Variants in KLHL4 observed in about 807,000 individuals in gnomAD.
KLHL4 encodes the protein kelch-like protein 4.
Under a neutral mutation model 45.8 loss-of-function variants are expected in KLHL4, and 17 were observed. The observed-to-expected ratio is 0.37, with a 90% CI of 0.25 to 0.56. KLHL4 has a LOEUF of 0.56. Among genes scored for constraint, KLHL4 ranks in the 20% least tolerant of loss-of-function variants. The pLI is 0.79. For missense variants in KLHL4, 544 were observed against 544.9 expected (o/e 1.00, Z 0.02); for synonymous variants, 224 against 189.9 (o/e 1.18, Z -1.47).
intron 1 of KLHL4, among the ~76,000 whole-genome samples, chrX:87,610,851 A>G (rs1719236949): frequency 9.0e-6 from 1 of 111,405 alleles, no homozygotes; most frequent in African/African-American, 3.3e-5. Flanking sequence ...AGGCTAGTGG[A>G]TGTCTTGATA....
chrX:87,602,680 C>A (rs779827137), intron 1 of KLHL4, among the ~76,000 whole-genome samples: 3 of 111,093 alleles, frequency 2.7e-5, no homozygotes, highest in East Asian at 5.7e-4. Context: ...CCTATTGATG[C>A]GTTTTTCAGA....
chrX:87,661,801 T>C (rs1484680937), intron 9 of KLHL4, among the ~76,000 whole-genome samples: 1 of 111,749 alleles, frequency 8.9e-6, no homozygotes, highest in African/African-American at 3.2e-5. Context: ...AAATGCATAG[T>C]ATAGTAGTTA....
chrX:87,667,500 T>C lies in KLHL4; in HGVS notation c.*966T>C. On this transcript the variant is annotated 3_prime_UTR_variant, in exon 11 of 11. Coordinates refer to ENST00000373119, the MANE Select transcript of KLHL4 (RefSeq NM_019117.5). ...ACACCAAAATATTCAATAAGCCTGG[T>C]CAATTCTATAGTTATCTTTTTTGTA... 1 of 731,837 alleles carries C rather than the reference T, an allele frequency of 1.4e-6. No individual in the cohort carries two copies. The highest frequency in any genetic ancestry group is 1.6e-6 in the Non-Finnish European group (1 of 619,040). The allele number at this position is 731,837 out of a possible 1,213,427, so 60.3% of individuals were successfully genotyped here. A position where few individuals can be genotyped will look rare whatever the true frequency, so the allele number is the denominator to read the frequency against.
At chrX:87,587,738 G>A (rs1012232473) in intron 1 of KLHL4, among the ~76,000 whole-genome samples, 5 of 110,898 alleles carry the variant, frequency 4.5e-5, no homozygotes, top group Non-Finnish European at 7.6e-5. Flanking sequence ...TCTAGTATCT[G>A]GAACACGAAA....
intron 9 of KLHL4, among the ~76,000 whole-genome samples, chrX:87,641,426 G>T (rs1358052331): frequency 8.9e-6 from 1 of 111,953 alleles, no homozygotes; most frequent in East Asian, 2.8e-4. Context: ...TTCCTGCCTG[G>T]TACCACAGGG....
chrX:87,528,706 C>CAAAAA (rs1160857135), intron 1 of KLHL4, among the ~76,000 whole-genome samples: 51 of 31,493 alleles, frequency 1.6e-3, no homozygotes, highest in African/African-American at 1.7e-3. Context: ...CAAAGCGAGA[C>CAAAAA]AAAAAAAAAA....
chrX:87,603,254 T>C (rs1922076126), intron 1 of KLHL4, among the ~76,000 whole-genome samples: 1 of 112,044 alleles, frequency 8.9e-6, no homozygotes, highest in Non-Finnish European at 1.9e-5. Context: ...AGAAAATAAG[T>C]GTGTAAGAAC....
At chrX:87,621,411 AAC>A (rs971963942) in intron 4 of KLHL4, among the ~76,000 whole-genome samples, 6 of 110,776 alleles carry the variant, frequency 5.4e-5, no homozygotes, top group Middle Eastern at 4.3e-3. Flanking sequence ...AAAAAAATGA[AAC>A]ACAGATGTTT....
intron 1 of KLHL4, among the ~76,000 whole-genome samples, chrX:87,548,912 T>G (rs1931746936): frequency 9.3e-6 from 1 of 107,771 alleles, no homozygotes; most frequent in African/African-American, 3.4e-5. Context: ...CAGGAGTAAG[T>G]CTTTACTTAT....
intron 9 of KLHL4, among the ~76,000 whole-genome samples, chrX:87,647,715 T>A (rs1923682985): frequency 9.0e-6 from 1 of 111,167 alleles, no homozygotes. Flanking sequence ...CAATGAACTT[T>A]GGGGACTCAG....
chrX:87,561,939 G>T (rs1932108379), intron 1 of KLHL4, among the ~76,000 whole-genome samples: 1 of 109,664 alleles, frequency 9.1e-6, no homozygotes, highest in African/African-American at 3.3e-5. Flanking sequence ...ACCCAGTCCT[G>T]GCAGGATTTA....
chrX:87,563,878 T>C (rs2147786303), intron 1 of KLHL4, among the ~76,000 whole-genome samples: 1 of 110,727 alleles, frequency 9.0e-6, no homozygotes, highest in East Asian at 2.9e-4. Context: ...AAATAACACA[T>C]GAAGGATTCT....
chrX:87,652,700 G>A (rs936011825), intron 9 of KLHL4, among the ~76,000 whole-genome samples: 1 of 111,761 alleles, frequency 8.9e-6, no homozygotes, highest in Non-Finnish European at 1.9e-5. Flanking sequence ...CAAGACTCTA[G>A]GAAGTTCCAA....
At chrX:87,630,045 G>C (rs1923048024) in intron 6 of KLHL4, among the ~76,000 whole-genome samples, 1 of 111,568 alleles carries the variant, frequency 9.0e-6, no homozygotes, top group Admixed American at 9.5e-5. Flanking sequence ...GTTTGTGCTA[G>C]AAAATCCAAA....
At chrX:87,662,792 T>C (rs1053613922) in intron 9 of KLHL4, among the ~76,000 whole-genome samples, 1 of 109,292 alleles carries the variant, frequency 9.1e-6, no homozygotes, top group Admixed American at 9.8e-5. Flanking sequence ...TAGCCGGTCG[T>C]GGTGGCGGGC....
intron 1 of KLHL4, among the ~76,000 whole-genome samples, chrX:87,545,381 A>G (rs1931651622): frequency 9.0e-6 from 1 of 111,221 alleles, no homozygotes; most frequent in Non-Finnish European, 1.9e-5. Context: ...TGTTCCTATG[A>G]TAGTGAATGC....
chrX:87,560,776 A>G (rs1423676840), intron 1 of KLHL4, among the ~76,000 whole-genome samples: 1 of 111,792 alleles, frequency 8.9e-6, no homozygotes, highest in Non-Finnish European at 1.9e-5. Flanking sequence ...GTCACATACA[A>G]CAGGATATAT....
chrX:87,602,438 C>A (rs918080896), intron 1 of KLHL4, among the ~76,000 whole-genome samples: 2 of 110,948 alleles, frequency 1.8e-5, no homozygotes, highest in Non-Finnish European at 3.8e-5. Flanking sequence ...TATTGGTATA[C>A]CATTTTTTTA....
chrX:87,600,490 A>C (rs1260015252), intron 1 of KLHL4, among the ~76,000 whole-genome samples: 1 of 108,447 alleles, frequency 9.2e-6, no homozygotes, highest in African/African-American at 3.3e-5. Context: ...CTCACAAAAA[A>C]AAAAAAAAAA....
Sources: allele counts gnomAD v4.1 joint callset (sites outside exome capture counted in the v4.1 genomes callset), GRCh38; gene constraint gnomAD v4.1.1; transcripts MANE v1.5; gene names NCBI Gene and HGNC (gene_info 2026-07-23, HGNC 2026-07-21).